The following INSR variants were observed in gnomAD, a reference collection of about 807,000 sequenced individuals.
INSR encodes the protein IR.
Under a neutral mutation model 142.6 loss-of-function variants are expected in INSR, and 67 were observed. The observed-to-expected ratio is 0.47, with a 90% CI of 0.39 to 0.58. The LOEUF (loss-of-function observed/expected upper bound fraction) is 0.58. INSR is among the 20% of genes least tolerant of loss of function. The pLI is 0.00. For synonymous variants in INSR, 756 were observed against 743.1 expected, an observed-to-expected ratio of 1.02 and a Z score of -0.28; for missense variants, 1,248 against 1,833.2, an observed-to-expected ratio of 0.68 and a Z score of 5.83.
At chr19:7,212,478 T>C (rs1975305439) in intron 2 of INSR, among the ~76,000 whole-genome samples, 1 of 152,180 alleles carries the variant, frequency 6.6e-6, no homozygotes, top group Non-Finnish European at 1.5e-5. Flanking sequence ...GTCTGCCATG[T>C]TTTGGAGGCG....
chr19:7,176,531 G>A (rs1217800987), intron 3 of INSR, among the ~76,000 whole-genome samples: 1 of 152,216 alleles, frequency 6.6e-6, no homozygotes, highest in Non-Finnish European at 1.5e-5. Context: ...AACTCAGGAG[G>A]TGGAGGCTGC....
rs1159712399 is a variant in INSR, at chr19:7,163,192, A to G, written c.1869T>C (p.Ser623=). 6.2e-7 allele frequency: 1 copy of G among 1,613,182 alleles called. No homozygotes were observed. Among genetic ancestry groups the G allele is most frequent in the African/African-American group, 1.3e-5 (1 of 74,836 alleles). The change falls in exon 9 of 22, where the codon TCT becomes TCC. Residue 623 remains serine (S), a synonymous_variant. Transcript: ENST00000302850. ...ACACTGAGATTGGATCCAGGGGCAC[A>G]GAGGGGTCTGTCAGGGAGAAAGGAA... ...IYVQTDATNP[S]VPLDPISVSN...
At chr19:7,130,788 C>T (rs533968971) in intron 14 of INSR, among the ~76,000 whole-genome samples, 1 of 151,968 alleles carries the variant, frequency 6.6e-6, no homozygotes, top group South Asian at 2.1e-4. Context: ...TCTCTCTTCT[C>T]TTCTTTCTTT....
chr19:7,212,509 C>T (rs563569053), intron 2 of INSR, among the ~76,000 whole-genome samples: 1 of 152,316 alleles, frequency 6.6e-6, no homozygotes, highest in Non-Finnish European at 1.5e-5. Flanking sequence ...GACAAGACAT[C>T]GTGGACCTTG....
intron 2 of INSR, among the ~76,000 whole-genome samples, chr19:7,215,582 T>TTTATTTATTTA (rs879885858): frequency 4.9e-5 from 3 of 61,776 alleles, no homozygotes; most frequent in South Asian, 6.3e-4. Context: ...TTATTTATTT[T>TTTATTTATTTA]TTTGAGATGG....
At chr19:7,181,452 G>A (rs984192036) in intron 3 of INSR, among the ~76,000 whole-genome samples, 4 of 152,088 alleles carry the variant, frequency 2.6e-5, no homozygotes, top group Non-Finnish European at 4.4e-5. Flanking sequence ...TACCCCATAC[G>A]CATTGAAAAT....
chr19:7,237,041 A>T (rs932638744), intron 2 of INSR, among the ~76,000 whole-genome samples: 1 of 151,766 alleles, frequency 6.6e-6, no homozygotes, highest in Non-Finnish European at 1.5e-5. Context: ...AAAAAAAAAA[A>T]AAGATACAAT....
At chr19:7,280,102 A>G (rs1038067188) in intron 1 of INSR, among the ~76,000 whole-genome samples, 1 of 151,452 alleles carries the variant, frequency 6.6e-6, no homozygotes, top group Non-Finnish European at 1.5e-5. Flanking sequence ...CGTCTCTACT[A>G]AAAATACAAA....
chr19:7,244,538 GA>G (rs1178083703), intron 2 of INSR, among the ~76,000 whole-genome samples: 9 of 110,308 alleles, frequency 8.2e-5, no homozygotes, highest in East Asian at 4.3e-4. Context: ...GTCTCAAAAA[GA>G]AAAAAAAAGA....
chr19:7,259,062 T>G (rs1234403390), intron 2 of INSR, among the ~76,000 whole-genome samples: 1 of 140,386 alleles, frequency 7.1e-6, no homozygotes, highest in East Asian at 2.0e-4. Flanking sequence ...TCTTCCTTCC[T>G]TTCTCCTTCC....
chr19:7,157,125 C>T (rs1338270104), intron 9 of INSR, among the ~76,000 whole-genome samples: 18 of 152,330 alleles, frequency 1.2e-4, no homozygotes, highest in Admixed American at 7.8e-4. Flanking sequence ...GGACTACAGG[C>T]GTGCACCACC....
intron 2 of INSR, among the ~76,000 whole-genome samples, chr19:7,252,011 C>T (rs1462460750): frequency 4.6e-5 from 7 of 152,134 alleles, no homozygotes; most frequent in African/African-American, 1.4e-4. Context: ...CGGTGGCTCA[C>T]GCCTGTAATT....
At chr19:7,278,450 G>T (rs1424461553) in intron 1 of INSR, among the ~76,000 whole-genome samples, 1 of 152,170 alleles carries the variant, frequency 6.6e-6, no homozygotes, top group Non-Finnish European at 1.5e-5. Context: ...CCCAACTCTG[G>T]ACATTCATAA....
At chr19:7,167,364 G>A (rs1218086567) in intron 7 of INSR, among the ~76,000 whole-genome samples, 2 of 152,050 alleles carry the variant, frequency 1.3e-5, no homozygotes, top group Admixed American at 6.6e-5. Context: ...ATCACCTGAG[G>A]TCAGGAGTTT....
chr19:7,120,483 T>C, intron 20 of INSR, 137 bp downstream of exon 20: 1 of 995,448 alleles, frequency 1.0e-6, no homozygotes, highest in East Asian at 2.6e-5. Context: ...CGTGGGAAGA[T>C]CCTAAGACAG....
At chr19:7,200,482 G>T (rs953124573) in intron 2 of INSR, among the ~76,000 whole-genome samples, 2 of 152,084 alleles carry the variant, frequency 1.3e-5, no homozygotes, top group Non-Finnish European at 2.9e-5. Context: ...TGGAGCCTAG[G>T]AGTTCAAGAC....
intron 17 of INSR, among the ~76,000 whole-genome samples, chr19:7,124,668 T>G (rs1166074239): frequency 7.7e-6 from 1 of 129,786 alleles, no homozygotes; most frequent in Non-Finnish European, 1.6e-5. Flanking sequence ...GGTTTTGGAG[T>G]CTGTCTCCGC....
chr19:7,233,668 CTTTTTTTTTTTTT>C (rs35763064), intron 2 of INSR, among the ~76,000 whole-genome samples: 3 of 72,410 alleles, frequency 4.1e-5, no homozygotes, highest in Non-Finnish European at 7.1e-5. Context: ...CTTTTTCTGT[CTTTTTTTTTTTTT>C]TTTTTTTTTT....
chr19:7,128,124 C>A (rs1972689343), intron 15 of INSR, among the ~76,000 whole-genome samples: 1 of 152,020 alleles, frequency 6.6e-6, no homozygotes. Context: ...ACAAAATGTT[C>A]TTCTGATATT....
Sources: gnomAD v4.1 joint callset for allele counts (sites outside exome capture counted in the v4.1 genomes callset) on GRCh38, gnomAD v4.1.1 for gene constraint, MANE v1.5 for transcripts, NCBI Gene and HGNC (gene_info 2026-07-23, HGNC 2026-07-21) for gene names.